The following ASAH2 variants were observed in gnomAD, a reference collection of about 807,000 sequenced individuals.
The protein encoded by ASAH2 is N-acylsphingosine amidohydrolase 2.
In ASAH2, 58 loss-of-function variants were observed where a neutral mutation model predicts 82.9. That is an observed-to-expected ratio of 0.70 (90% CI 0.57 to 0.87). The LOEUF (loss-of-function observed/expected upper bound fraction) is 0.87, where lower values mean the gene tolerates loss of function less well. Ranked by LOEUF, ASAH2 falls within the 40% of genes least tolerant of loss-of-function variation. The pLI is 0.00. For synonymous variants in ASAH2, 276 were observed against 289.7 expected, an observed-to-expected ratio of 0.95 and a Z score of 0.48; for missense variants, 779 against 834.0, an observed-to-expected ratio of 0.93 and a Z score of 0.81.
Position 50,245,434 on chromosome 10 carries a change from A to C in ASAH2, c.148T>G (p.Ser50Ala), listed in dbSNP as rs754264015. Residue 50 changes from serine to alanine, a missense_variant, in exon 3 of 21, where the codon TCA becomes GCA. Physicochemically the swap from Ser to Ala is moderately conservative, Grantham distance 99. Coordinates refer to ENST00000682911, the MANE Select transcript of ASAH2 (RefSeq NM_019893.4). ...GTGGCTGGAGGGCTTTGGGTGGTTG[A>C]AAAAAAATGGCCTCCTAAATCTAAA... ...NHKDLGGHFF[S>A]TTQSPPATQG... 6.2e-7 allele frequency: 1 copy of C among 1,610,064 alleles called. No homozygotes were observed.
Position 50,218,381 on chromosome 10 carries a change from C to T in ASAH2, c.1014+129G>A, listed in dbSNP as rs912606282. ...GGGAGGATGGTAAATGCTGTCTATT[C>T]AAGCATACCAATATGTGAGATTGAT... is the stretch of plus-strand genomic sequence containing the variant. On this transcript the variant is annotated intron_variant, in intron 8 of 20. Coordinates refer to ENST00000682911, the MANE Select transcript of ASAH2 (RefSeq NM_019893.4). 9.5e-4 allele frequency: 1,253 copies of T among 1,320,892 alleles called. 11 individuals are homozygous for T. The East Asian group carries it at 0.026, about 27-fold the overall frequency. 81.8% of individuals were successfully genotyped at this position (1,320,892 alleles called of 1,614,324 possible). A position where few individuals can be genotyped will look rare whatever the true frequency, so the allele number is the denominator to read the frequency against.
intron 3 of ASAH2, among the ~76,000 whole-genome samples, chr10:50,245,002 GAA>G (rs11346132): frequency 3.3e-5 from 5 of 149,562 alleles, no homozygotes; most frequent in Admixed American, 3.3e-4. Flanking sequence ...TTCTGCTCAT[GAA>G]AAAAAAAGGC....
In ASAH2 at chr10:50,198,927, G is replaced by A. The variant is rs988042894; in HGVS notation, c.1857+124C>T. 1,909 of 1,035,528 alleles carry A rather than the reference G, an allele frequency of 1.8e-3. 23 individuals are homozygous for A. In the African/African-American group the frequency reaches 0.027, roughly 15 times the overall value. 64.1% of individuals were successfully genotyped at this position (1,035,528 alleles called of 1,614,324 possible). On this transcript the variant is annotated intron_variant, in intron 17 of 20. Coordinates refer to ENST00000682911, the MANE Select transcript of ASAH2 (RefSeq NM_019893.4). Reference sequence around the variant, plus strand: ...ATAAAGGTTGTCAAACTGAACACTCGAAGCTAAGGTTCTCTTTCACTTCCC... The same window carrying A: ...ATAAAGGTTGTCAAACTGAACACTCAAAGCTAAGGTTCTCTTTCACTTCCC...
intron 16 of ASAH2, among the ~76,000 whole-genome samples, chr10:50,200,554 C>A (rs1391220908): frequency 6.6e-5 from 10 of 152,174 alleles, no homozygotes; most frequent in African/African-American, 2.4e-4. Context: ...TCCTCAAATA[C>A]CCAGTCTGGG....
chr10:50,240,168 A>G (rs1846260392), intron 4 of ASAH2, among the ~76,000 whole-genome samples: 1 of 152,062 alleles, frequency 6.6e-6, no homozygotes, highest in Non-Finnish European at 1.5e-5. Flanking sequence ...ACGTAGTCTC[A>G]CTGCCATCAC....
At chr10:50,198,927 G>T in intron 17 of ASAH2, 124 bp downstream of exon 17, 1 of 1,035,534 alleles carries the variant, frequency 9.7e-7, no homozygotes, top group Non-Finnish European at 1.5e-6. Flanking sequence ...CTGAACACTC[G>T]AAGCTAAGGT....
chr10:50,239,536 A>G (rs1215075614), intron 4 of ASAH2, among the ~76,000 whole-genome samples: 1 of 152,154 alleles, frequency 6.6e-6, no homozygotes, highest in African/African-American at 2.4e-5. Context: ...ATTTTTCAGA[A>G]AAGCAGTATA....
At chr10:50,197,565 G>T (rs1343141160) in intron 17 of ASAH2, among the ~76,000 whole-genome samples, 17 of 151,792 alleles carry the variant, frequency 1.1e-4, no homozygotes, top group African/African-American at 3.6e-4. Flanking sequence ...AATATTTAAC[G>T]CTCTTTATTC....
At chr10:50,220,169 C>T (rs1029386214) in intron 7 of ASAH2, among the ~76,000 whole-genome samples, 2 of 152,004 alleles carry the variant, frequency 1.3e-5, no homozygotes, top group African/African-American at 4.8e-5. Context: ...CAGGGAAGAC[C>T]GAACACAGAT....
intron 4 of ASAH2, among the ~76,000 whole-genome samples, chr10:50,237,954 G>GA (rs956458757): frequency 1.3e-4 from 19 of 150,848 alleles, no homozygotes; most frequent in South Asian, 1.3e-3. Flanking sequence ...ATTAATCAAA[G>GA]AAAAAAAAAT....
intron 6 of ASAH2, among the ~76,000 whole-genome samples, chr10:50,233,598 C>A (rs1480070277): frequency 6.6e-6 from 1 of 151,996 alleles, no homozygotes; most frequent in Non-Finnish European, 1.5e-5. Context: ...TTAATGAAAT[C>A]TCTTTAAAAG....
chr10:50,246,162 A>G (rs930175322), intron 2 of ASAH2, among the ~76,000 whole-genome samples: 5 of 152,170 alleles, frequency 3.3e-5, no homozygotes, highest in African/African-American at 7.2e-5. Context: ...GCAGAATGAC[A>G]TATAGGATTT....
At chr10:50,209,061 TG>T (rs1358151656) in intron 12 of ASAH2, among the ~76,000 whole-genome samples, 3 of 152,092 alleles carry the variant, frequency 2.0e-5, no homozygotes, top group African/African-American at 4.8e-5. Context: ...TTCCAATAAG[TG>T]GTGCTAGGAT....
chr10:50,193,602 T>C (rs1330575713), intron 18 of ASAH2, among the ~76,000 whole-genome samples: 1 of 151,414 alleles, frequency 6.6e-6, no homozygotes, highest in Admixed American at 6.6e-5. Context: ...ACCTCATAAT[T>C]CAAAAGAATT....
intron 4 of ASAH2, chr10:50,240,658 C>A (rs914352796): frequency 7.6e-5 from 53 of 696,888 alleles, no homozygotes; most frequent in Non-Finnish European, 1.3e-4. Context: ...CCTAATAGAT[C>A]TCCTCTGTTC....
intron 6 of ASAH2, among the ~76,000 whole-genome samples, chr10:50,234,093 T>A (rs1408084023): frequency 7.9e-5 from 12 of 152,076 alleles, no homozygotes; most frequent in Non-Finnish European, 1.8e-4. Context: ...TAAATTAAGA[T>A]AAGTAAATCA....
intron 9 of ASAH2, 132 bp from the exon 10 acceptor site, chr10:50,213,190 C>G: frequency 3.6e-6 from 3 of 837,192 alleles, no homozygotes; most frequent in Non-Finnish European, 6.1e-6. Context: ...GGTAGTCTCT[C>G]AAAGTACAAA....
At chr10:50,229,731 A>C (rs1589347461) in intron 7 of ASAH2, among the ~76,000 whole-genome samples, 1 of 152,072 alleles carries the variant, frequency 6.6e-6, no homozygotes, top group Non-Finnish European at 1.5e-5. Context: ...CATTTGTGTT[A>C]AATGTTCTTT....
intron 18 of ASAH2, among the ~76,000 whole-genome samples, chr10:50,195,116 T>G (rs1292373451): frequency 1.3e-5 from 2 of 149,904 alleles, no homozygotes; most frequent in Non-Finnish European, 3.0e-5. Flanking sequence ...ACCTAAAGAA[T>G]GGGAGAAAAC....
Sources: gnomAD v4.1 joint callset for allele counts (sites outside exome capture counted in the v4.1 genomes callset) on GRCh38, gnomAD v4.1.1 for gene constraint, MANE v1.5 for transcripts, NCBI Gene and HGNC (gene_info 2026-07-23, HGNC 2026-07-21) for gene names.